The following ROBO2 variants were observed in gnomAD, a reference collection of about 807,000 sequenced individuals.
The protein encoded by ROBO2 is roundabout guidance receptor 2.
ROBO2 carries 53 observed loss-of-function variants against 160.8 expected under a neutral mutation model. The ratio of observed to expected loss-of-function variants is 0.33; its 90% CI spans 0.26 to 0.41. ROBO2 has a LOEUF of 0.41. ROBO2 is among the 10% of genes least tolerant of loss of function. The pLI is 1.00. For missense variants in ROBO2, 1,577 were observed against 1,722.4 expected (o/e 0.92, Z 1.49); for synonymous variants, 664 against 611.7 (o/e 1.09, Z -1.26).
At chr3:77,423,296 A>T (rs758055792) in intron 2 of ROBO2, among the ~76,000 whole-genome samples, 1 of 152,146 alleles carries the variant, frequency 6.6e-6, no homozygotes, top group Non-Finnish European at 1.5e-5. Context: ...TGTAGTTGGT[A>T]TGTTCAATTC....
chr3:77,039,044 A>G (rs2063813128), upstream of ROBO2, among the ~76,000 whole-genome samples: 1 of 152,072 alleles, frequency 6.6e-6, no homozygotes, highest in South Asian at 2.1e-4. Context: ...GCGATCGCGC[A>G]TCAAACTCAT....
At chr3:77,551,055 C>G in intron 8 of ROBO2, 66 bp downstream of exon 9, 1 of 1,533,876 alleles carries the variant, frequency 6.5e-7, no homozygotes, top group Non-Finnish European at 9.0e-7. Flanking sequence ...ACACGTTAAC[C>G]ATGTGGAGTT....
intron 2 of ROBO2, among the ~76,000 whole-genome samples, chr3:76,686,905 A>G (rs982157290): frequency 6.6e-6 from 1 of 152,102 alleles, no homozygotes; most frequent in Non-Finnish European, 1.5e-5. Flanking sequence ...CCATTTGACT[A>G]TATATTTCAT....
chr3:76,359,957 A>G (rs979900876), intron 2 of ROBO2, among the ~76,000 whole-genome samples: 1 of 152,072 alleles, frequency 6.6e-6, no homozygotes, highest in Non-Finnish European at 1.5e-5. Flanking sequence ...AGTTTCAAGC[A>G]AGAACAAAGC....
At chr3:75,996,852 A>T (rs2065743821) in intron 2 of ROBO2, among the ~76,000 whole-genome samples, 1 of 151,818 alleles carries the variant, frequency 6.6e-6, no homozygotes. Flanking sequence ...ATATATGTAA[A>T]TCATCTATTC....
intron 2 of ROBO2, among the ~76,000 whole-genome samples, chr3:76,211,709 T>A (rs1314981864): frequency 1.3e-5 from 2 of 152,100 alleles, no homozygotes; most frequent in African/African-American, 4.8e-5. Flanking sequence ...TTTCCTGAAG[T>A]GTATACATTT....
chr3:76,759,013 T>C (rs2108343580), intron 2 of ROBO2, among the ~76,000 whole-genome samples: 1 of 152,026 alleles, frequency 6.6e-6, no homozygotes, highest in African/African-American at 2.4e-5. Flanking sequence ...CATAGTTTGG[T>C]ATCTTTTGAG....
intron 2 of ROBO2, among the ~76,000 whole-genome samples, chr3:76,463,255 T>C (rs1211920521): frequency 1.3e-5 from 2 of 152,096 alleles, no homozygotes; most frequent in African/African-American, 4.8e-5. Context: ...TTTCATGGTA[T>C]TTGAATCTTG....
chr3:76,016,647 A>G (rs1223176909), intron 2 of ROBO2, among the ~76,000 whole-genome samples: 3 of 152,126 alleles, frequency 2.0e-5, no homozygotes, highest in Non-Finnish European at 2.9e-5. Context: ...TCAATTTTCA[A>G]TAAAAAAAAT....
At chr3:76,187,091 C>A (rs1366784308) in intron 2 of ROBO2, among the ~76,000 whole-genome samples, 1 of 151,200 alleles carries the variant, frequency 6.6e-6, no homozygotes, top group Non-Finnish European at 1.5e-5. Context: ...TGTCAATTTT[C>A]TTGGATATAA....
At chr3:76,437,272 C>T (rs1162197697) in intron 2 of ROBO2, among the ~76,000 whole-genome samples, 3 of 151,998 alleles carry the variant, frequency 2.0e-5, no homozygotes, top group Non-Finnish European at 4.4e-5. Flanking sequence ...TGAATAATGA[C>T]AAGGGCGATA....
At chr3:77,273,257 A>G (rs918461085) in intron 2 of ROBO2, among the ~76,000 whole-genome samples, 1 of 152,192 alleles carries the variant, frequency 6.6e-6, no homozygotes, top group African/African-American at 2.4e-5. Flanking sequence ...CAAAATGCAT[A>G]TATGCAGCAA....
chr3:76,212,282 C>T (rs1012038969), intron 2 of ROBO2, among the ~76,000 whole-genome samples: 1 of 151,824 alleles, frequency 6.6e-6, no homozygotes, highest in African/African-American at 2.4e-5. Flanking sequence ...TCCTGAAGAG[C>T]TTGCAATCGT....
chr3:76,753,429 AT>A (rs1286411179), intron 2 of ROBO2, among the ~76,000 whole-genome samples: 1 of 151,900 alleles, frequency 6.6e-6, no homozygotes, highest in Non-Finnish European at 1.5e-5. Context: ...TATGAATCCA[AT>A]AAAATTATAC....
intron 15 of ROBO2, among the ~76,000 whole-genome samples, chr3:77,578,344 C>A (rs555424334): frequency 1.5e-4 from 23 of 152,024 alleles, no homozygotes; most frequent in African/African-American, 5.3e-4. Flanking sequence ...TTGTAAAATT[C>A]AAAACTATAA....
chr3:76,665,961 CATATA>C (rs1560335657), intron 2 of ROBO2, among the ~76,000 whole-genome samples: 1 of 134,326 alleles, frequency 7.4e-6, no homozygotes, highest in Non-Finnish European at 1.6e-5. Context: ...ATAATATATA[CATATA>C]ATATATATAA....
chr3:76,346,745 A>C (rs1413107217), intron 2 of ROBO2, among the ~76,000 whole-genome samples: 1 of 152,140 alleles, frequency 6.6e-6, no homozygotes, highest in Admixed American at 6.5e-5. Flanking sequence ...TACATTTTAC[A>C]TCCTTCTAAG....
intron 2 of ROBO2, among the ~76,000 whole-genome samples, chr3:76,781,095 A>G (rs150450082): frequency 6.6e-6 from 1 of 150,820 alleles, no homozygotes; most frequent in African/African-American, 2.4e-5. Context: ...TTCTTTCATC[A>G]GTGTTTTACA....
intron 2 of ROBO2, among the ~76,000 whole-genome samples, chr3:76,624,199 T>G (rs2089444547): frequency 6.6e-6 from 1 of 152,190 alleles, no homozygotes; most frequent in Non-Finnish European, 1.5e-5. Flanking sequence ...TGTCATAAAT[T>G]GCAACAAAGA....
Sources: gnomAD v4.1 joint callset for allele counts (sites outside exome capture counted in the v4.1 genomes callset) on GRCh38, gnomAD v4.1.1 for gene constraint, MANE v1.5 for transcripts, NCBI Gene and HGNC (gene_info 2026-07-23, HGNC 2026-07-21) for gene names.